SHISA6: variants seen among roughly 807,000 people sequenced by gnomAD.
The protein encoded by SHISA6 is protein shisa-6.
Under a neutral mutation model 47.9 loss-of-function variants are expected in SHISA6, and 22 were observed. That is an observed-to-expected ratio of 0.46 (90% CI 0.33 to 0.66). The LOEUF (loss-of-function observed/expected upper bound fraction) is 0.66, where lower values mean the gene tolerates loss of function less well. Ranked by LOEUF, SHISA6 falls within the 30% of genes least tolerant of loss-of-function variation. SHISA6 has a pLI of 0.02. For synonymous variants in SHISA6, 388 were observed against 337.8 expected (o/e 1.15, Z -1.63); for missense variants, 680 against 764.6 (o/e 0.89, Z 1.30).
At chr17:11,281,175 C>G (rs1008790717) in intron 2 of SHISA6, among the ~76,000 whole-genome samples, 2 of 151,916 alleles carry the variant, frequency 1.3e-5, no homozygotes, top group Non-Finnish European at 2.9e-5. Context: ...CCTTATTGCT[C>G]CAGCAAGGAT....
At chr17:11,543,505 G>C (rs1252089142) in intron 3 of SHISA6, among the ~76,000 whole-genome samples, 2 of 152,162 alleles carry the variant, frequency 1.3e-5, no homozygotes, top group African/African-American at 4.8e-5. Context: ...GGGATTGGAA[G>C]ACTGGACAGC....
At chr17:11,485,561 C>T (rs1183271048) in intron 3 of SHISA6, among the ~76,000 whole-genome samples, 1 of 152,096 alleles carries the variant, frequency 6.6e-6, no homozygotes, top group Non-Finnish European at 1.5e-5. Context: ...AACATTGCCC[C>T]AGAGCTCTGG....
chr17:11,513,827 G>A (rs187980104), intron 3 of SHISA6, among the ~76,000 whole-genome samples: 79 of 152,276 alleles, frequency 5.2e-4, no homozygotes, highest in African/African-American at 1.8e-3. Context: ...ACTCACAGGA[G>A]ACCGAGTATA....
chr17:11,424,194 C>A (rs1004697965), intron 3 of SHISA6, among the ~76,000 whole-genome samples: 1 of 152,026 alleles, frequency 6.6e-6, no homozygotes, highest in African/African-American at 2.4e-5. Flanking sequence ...GTGAAATAAT[C>A]AAAATCCAAT....
chr17:11,555,750 G>A lies in SHISA6; in HGVS notation c.963G>A (p.Arg321=). ...TCCCTTTTCTTGCAGAGAAGCCACG[G>A]ATGAACAACATCCTGACATCAGCCA... ...VTQIPPHEKP[R]MNNILTSATE... Residue 321 remains arginine, a synonymous_variant, in exon 5 of 6, where the codon CGG becomes CGA. Coordinates refer to ENST00000441885, the MANE Select transcript of SHISA6 (RefSeq NM_207386.4). 1 of 1,543,626 alleles carries A rather than the reference G, an allele frequency of 6.5e-7. No individual in the cohort carries two copies. The highest frequency in any genetic ancestry group is 8.7e-7 in the Non-Finnish European group (1 of 1,143,996).
At chr17:11,514,096 G>C (rs1033165039) in intron 3 of SHISA6, among the ~76,000 whole-genome samples, 1 of 152,112 alleles carries the variant, frequency 6.6e-6, no homozygotes, top group African/African-American at 2.4e-5. Flanking sequence ...GGGAGAGGCA[G>C]TTCTGACTCT....
At chr17:11,376,381 G>T (rs1249032514) in intron 2 of SHISA6, among the ~76,000 whole-genome samples, 2 of 149,030 alleles carry the variant, frequency 1.3e-5, no homozygotes, top group East Asian at 2.0e-4. Context: ...ACAGTGGCGC[G>T]ATCTGAGCTC....
intron 2 of SHISA6, among the ~76,000 whole-genome samples, chr17:11,359,737 G>T (rs950807176): frequency 2.6e-5 from 4 of 152,174 alleles, no homozygotes; most frequent in African/African-American, 9.7e-5. Context: ...CTTTGTGTCT[G>T]CTGTTTGTTT....
chr17:11,296,192 A>T (rs1909746702), intron 2 of SHISA6, among the ~76,000 whole-genome samples: 1 of 152,104 alleles, frequency 6.6e-6, no homozygotes, highest in African/African-American at 2.4e-5. Flanking sequence ...GCCCTGATGG[A>T]GTGGACACTT....
At chr17:11,318,167 T>C (rs1910587679) in intron 2 of SHISA6, among the ~76,000 whole-genome samples, 1 of 152,172 alleles carries the variant, frequency 6.6e-6, no homozygotes, top group African/African-American at 2.4e-5. Flanking sequence ...CCTTAGCACA[T>C]TGAAATTAGA....
chr17:11,536,503 T>C (rs1251168348), intron 3 of SHISA6, among the ~76,000 whole-genome samples: 2 of 152,250 alleles, frequency 1.3e-5, no homozygotes, highest in Non-Finnish European at 2.9e-5. Context: ...TAAGTAGCTA[T>C]GTCAGGTGCC....
chr17:11,517,951 G>C (rs2071599159), intron 3 of SHISA6, among the ~76,000 whole-genome samples: 1 of 152,008 alleles, frequency 6.6e-6, no homozygotes, highest in East Asian at 1.9e-4. Context: ...TGGTTTCTAT[G>C]AACCTCTGTA....
At chr17:11,507,244 T>C (rs995341861) in intron 3 of SHISA6, among the ~76,000 whole-genome samples, 1 of 152,198 alleles carries the variant, frequency 6.6e-6, no homozygotes, top group African/African-American at 2.4e-5. Context: ...TGAAGGAAGG[T>C]GAATTGGACA....
chr17:11,244,382 T>C (rs1907494613), intron 1 of SHISA6, among the ~76,000 whole-genome samples: 1 of 152,114 alleles, frequency 6.6e-6, no homozygotes, highest in South Asian at 2.1e-4. Flanking sequence ...CGACACTCCA[T>C]GAATGACCTT....
chr17:11,243,253 AAGAG>A lies in SHISA6; in HGVS notation c.638+1199_638+1202del, dbSNP rs563393764. 5.3e-3 allele frequency among the ~76,000 whole-genome samples: 801 copies of A among 151,870 alleles called. 2 individuals carry two copies. Among genetic ancestry groups the A allele is most frequent in the Non-Finnish European group, 8.6e-3 (586 of 67,992 alleles). On this transcript the variant is annotated intron_variant, in intron 1 of 5. Coordinates refer to ENST00000441885, the MANE Select transcript of SHISA6 (RefSeq NM_207386.4). Reference sequence around the variant, plus strand: ...CACATTAATCACCCCTGCCTTGCTGAAGAGAGAGAAAGGCAGATAGAAATTTCTA... The same window carrying A: ...CACATTAATCACCCCTGCCTTGCTGAAGAGAAAGGCAGATAGAAATTTCTA...
intron 3 of SHISA6, among the ~76,000 whole-genome samples, chr17:11,403,512 C>G (rs1034901): frequency 0.49 from 74,111 of 151,924 alleles, 18,608 homozygotes; most frequent in Middle Eastern, 0.54. Context: ...GGAGGGAGGT[C>G]GAAGACTTAG....
chr17:11,539,659 C>T (rs1041306752), intron 3 of SHISA6, among the ~76,000 whole-genome samples: 2 of 152,240 alleles, frequency 1.3e-5, no homozygotes, highest in Non-Finnish European at 2.9e-5. Flanking sequence ...GGTCCACATG[C>T]TCTCAGTGGG....
intron 3 of SHISA6, among the ~76,000 whole-genome samples, chr17:11,474,563 T>C (rs1916009836): frequency 6.6e-6 from 1 of 152,182 alleles, no homozygotes; most frequent in East Asian, 1.9e-4. Flanking sequence ...GAGAACTGTC[T>C]TTGCTTCATT....
chr17:11,328,676 C>A (rs1910996495), intron 2 of SHISA6, among the ~76,000 whole-genome samples: 2 of 152,182 alleles, frequency 1.3e-5, no homozygotes, highest in Non-Finnish European at 2.9e-5. Context: ...AACAGTGTTT[C>A]TCTTGTGGAT....
Sources: allele counts gnomAD v4.1 joint callset (sites outside exome capture counted in the v4.1 genomes callset), GRCh38; gene constraint gnomAD v4.1.1; transcripts MANE v1.5; gene names NCBI Gene and HGNC (gene_info 2026-07-23, HGNC 2026-07-21).